PSME3IP1: variants seen among roughly 807,000 people sequenced by gnomAD.
PSME3IP1 encodes PSME3-interacting protein.
In PSME3IP1, 13 loss-of-function variants were observed where a neutral mutation model predicts 34.1. The observed-to-expected ratio is 0.38, with a 90% CI of 0.25 to 0.61. PSME3IP1 has a LOEUF of 0.61. PSME3IP1 is among the 20% of genes least tolerant of loss of function. The pLI is 0.60. For synonymous variants in PSME3IP1, 93 were observed against 114.3 expected, an observed-to-expected ratio of 0.81 and a Z score of 1.19; for missense variants, 237 against 301.4, an observed-to-expected ratio of 0.79 and a Z score of 1.58.
At chr16:57,182,564 A>C (rs1297832769) in intron 1 of PSME3IP1, among the ~76,000 whole-genome samples, 6 of 150,418 alleles carry the variant, frequency 4.0e-5, no homozygotes, top group Non-Finnish European at 7.4e-5. Context: ...AAAAAAAAAA[A>C]AAAAAAAAAA....
intron 4 of PSME3IP1, among the ~76,000 whole-genome samples, chr16:57,171,255 T>C (rs766854203): frequency 2.6e-5 from 4 of 152,130 alleles, no homozygotes; most frequent in Non-Finnish European, 5.9e-5. Flanking sequence ...GAAAGCATGG[T>C]GAAAGAGAAC....
intron 6 of PSME3IP1, among the ~76,000 whole-genome samples, chr16:57,155,506 T>A (rs1405653535): frequency 6.6e-6 from 1 of 152,092 alleles, no homozygotes. Context: ...AGGTGGCTCA[T>A]GCCTGTAATC....
At chr16:57,165,610 CAG>C (rs1231860473) in intron 5 of PSME3IP1, among the ~76,000 whole-genome samples, 1 of 152,276 alleles carries the variant, frequency 6.6e-6, no homozygotes, top group Admixed American at 6.5e-5. Flanking sequence ...CTACGACTCC[CAG>C]ACTTCACTTC....
chr16:57,165,087 C>T (rs1431367955), intron 5 of PSME3IP1, among the ~76,000 whole-genome samples: 1 of 149,382 alleles, frequency 6.7e-6, no homozygotes, highest in Non-Finnish European at 1.5e-5. Context: ...GTATACAAAA[C>T]CACATGCAAT....
intron 1 of PSME3IP1, among the ~76,000 whole-genome samples, chr16:57,176,098 C>T (rs1351280058): frequency 2.0e-5 from 3 of 152,232 alleles, no homozygotes; most frequent in Non-Finnish European, 4.4e-5. Context: ...TGAAGCAGAA[C>T]TGTTCAGTCT....
At chr16:57,178,069 C>A (rs1043698228) in intron 1 of PSME3IP1, among the ~76,000 whole-genome samples, 2 of 152,152 alleles carry the variant, frequency 1.3e-5, no homozygotes, top group Admixed American at 6.5e-5. Context: ...AGAAAATAAG[C>A]CAAGTTAGAT....
At chr16:57,157,313 C>CAAAAAAAAAAAA (rs751911757) in intron 6 of PSME3IP1, among the ~76,000 whole-genome samples, 1 of 76,850 alleles carries the variant, frequency 1.3e-5, no homozygotes. Context: ...AACCTATCTC[C>CAAAAAAAAAAAA]AAAAAAAAAA....
chr16:57,182,551 TAAAAAAAAA>T (rs10717048), intron 1 of PSME3IP1, among the ~76,000 whole-genome samples: 50 of 76,758 alleles, frequency 6.5e-4, no homozygotes, highest in African/African-American at 2.5e-3. Flanking sequence ...CCATTTCCCT[TAAAAAAAAA>T]AAAAAAAAAA....
At chr16:57,175,887 A>G (rs773505959) in intron 1 of PSME3IP1, among the ~76,000 whole-genome samples, 1 of 152,234 alleles carries the variant, frequency 6.6e-6, no homozygotes, top group Non-Finnish European at 1.5e-5. Context: ...AACAAACCCA[A>G]ACGTTCAGAA....
In PSME3IP1 at chr16:57,167,157, G is replaced by T; in HGVS notation, c.418C>A (p.Pro140Thr). The stretch of plus-strand genomic sequence containing the variant: ...GAGAACTTGTTCTTGGTTTCTATAG[G>T]CTTCACAGTCAGTTTCTTTTCCACT... ...KEVEKKLTVK[P>T]IETKNKFSQA... The change falls in exon 5 of 7, where the codon CCT (proline) becomes ACT (threonine). Residue 140 changes from proline to threonine, a missense_variant. Physicochemically the swap from Pro to Thr is conservative, Grantham distance 38. Coordinates refer to ENST00000309137, the MANE Select transcript of PSME3IP1 (RefSeq NM_024946.4). 1 of 1,614,146 alleles carries T rather than the reference G, an allele frequency of 6.2e-7. No individual in the cohort carries two copies. Among genetic ancestry groups the T allele is most frequent in the Non-Finnish European group, 8.5e-7 (1 of 1,180,010 alleles).
chr16:57,185,641 C>G, intron 1 of PSME3IP1, 180 bp downstream of exon 1: 1 of 985,520 alleles, frequency 1.0e-6, no homozygotes, highest in Non-Finnish European at 1.2e-6. Flanking sequence ...CCGCGGGCAC[C>G]CTCAGCTCCC....
chr16:57,185,022 C>A (rs1265601098), intron 1 of PSME3IP1, among the ~76,000 whole-genome samples: 2 of 152,232 alleles, frequency 1.3e-5, no homozygotes, highest in African/African-American at 4.8e-5. Context: ...CACCAAATAA[C>A]TGATGAATCG....
intron 4 of PSME3IP1, among the ~76,000 whole-genome samples, chr16:57,169,320 T>C (rs1478771694): frequency 6.6e-6 from 1 of 152,230 alleles, no homozygotes; most frequent in Admixed American, 6.5e-5. Flanking sequence ...AACCACAGCT[T>C]ATTTGTATTC....
intron 2 of PSME3IP1, among the ~76,000 whole-genome samples, chr16:57,173,365 C>T (rs2072823993): frequency 6.6e-6 from 1 of 152,152 alleles, no homozygotes. Flanking sequence ...CATGGTGGCT[C>T]ACACCTGTAA....
intron 1 of PSME3IP1, among the ~76,000 whole-genome samples, chr16:57,177,426 A>C (rs2073290403): frequency 6.6e-6 from 1 of 151,522 alleles, no homozygotes; most frequent in African/African-American, 2.4e-5. Context: ...GACTCAAGCA[A>C]TACAATCTGC....
intron 4 of PSME3IP1, among the ~76,000 whole-genome samples, chr16:57,169,937 C>T (rs1421677255): frequency 2.0e-5 from 3 of 152,028 alleles, no homozygotes; most frequent in African/African-American, 7.3e-5. Flanking sequence ...TGAGGTATAA[C>T]TTCCCATGAG....
At chr16:57,174,028 G>A (rs2072926223) in intron 1 of PSME3IP1, 159 bp from the exon 2 acceptor site, 4 of 690,734 alleles carry the variant, frequency 5.8e-6, no homozygotes, top group Non-Finnish European at 2.3e-6. Flanking sequence ...GGGTGCGGTG[G>A]CTCATGCCTG....
chr16:57,176,554 T>G (rs1483299856), intron 1 of PSME3IP1, among the ~76,000 whole-genome samples: 1 of 152,210 alleles, frequency 6.6e-6, no homozygotes, highest in Non-Finnish European at 1.5e-5. Context: ...CTGAAATCTG[T>G]TTTACTATAA....
chr16:57,174,258 C>A (rs1346854468), intron 1 of PSME3IP1: 3 of 208,924 alleles, frequency 1.4e-5, no homozygotes, highest in Non-Finnish European at 2.5e-5. Context: ...CACACCGCTG[C>A]ACCCCAGCTT....
Sources: allele counts gnomAD v4.1 joint callset (sites outside exome capture counted in the v4.1 genomes callset), GRCh38; gene constraint gnomAD v4.1.1; transcripts MANE v1.5; gene names NCBI Gene and HGNC (gene_info 2026-07-23, HGNC 2026-07-21).